EP300: variants seen among roughly 807,000 people sequenced by gnomAD.
EP300 encodes the protein EP300 lysine acetyltransferase.
Under a neutral mutation model 264.0 loss-of-function variants are expected in EP300, and 31 were observed. The ratio of observed to expected loss-of-function variants is 0.12; its 90% CI spans 0.09 to 0.16. The LOEUF is 0.16. Ranked by LOEUF, EP300 falls within the 10% of genes least tolerant of loss-of-function variation. EP300 has a pLI of 1.00. For synonymous variants in EP300, 1,340 were observed against 1,045.4 expected, an observed-to-expected ratio of 1.28 and a Z score of -5.44; for missense variants, 2,766 against 3,052.9, an observed-to-expected ratio of 0.91 and a Z score of 2.21.
chr22:41,125,749 A>G (rs1225908187), intron 2 of EP300, 115 bp from the exon 3 acceptor site: 1 of 1,136,616 alleles, frequency 8.8e-7, no homozygotes, highest in Non-Finnish European at 1.3e-6. Context: ...TTCTAATAGA[A>G]GCTGAGAATT....
At chr22:41,106,648 G>A (rs929931939) in intron 1 of EP300, among the ~76,000 whole-genome samples, 1 of 152,166 alleles carries the variant, frequency 6.6e-6, no homozygotes. Flanking sequence ...GTTTGTTTGA[G>A]ACTGTCGTCC....
chr22:41,153,205 T>G (rs1255588676), intron 16 of EP300, among the ~76,000 whole-genome samples: 1 of 152,162 alleles, frequency 6.6e-6, no homozygotes. Flanking sequence ...ATCCAGCCAT[T>G]CCAACAAGTG....
In EP300 at chr22:41,177,298, C is replaced by T. The variant is rs1297677732; in HGVS notation, c.5587C>T (p.Pro1863Ser). 4.3e-6 allele frequency: 7 copies of T among 1,613,994 alleles called. No individual in the cohort carries two copies. The highest frequency in any genetic ancestry group is 8.5e-7 in the Non-Finnish European group (1 of 1,180,034). ...TCCAACGACACCAACTGGCCAACAG[C>T]CAACCACCCCGCAGACGCCCCAGCC... ...ATPTTPTGQQ[P>S]TTPQTPQPTS... The change falls in exon 31 of 31, where the codon CCA becomes TCA. Residue 1863 changes from proline to serine, a missense_variant. Transcript: ENST00000263253.
intron 2 of EP300, among the ~76,000 whole-genome samples, chr22:41,118,529 G>A (rs765594864): frequency 2.6e-5 from 4 of 152,254 alleles, no homozygotes; most frequent in Non-Finnish European, 4.4e-5. Context: ...TGCCTGGCAT[G>A]TAGTTCGTTT....
Position 41,179,876 on chromosome 22 carries a change from CCACTCACACACACACA to C in EP300, c.*924_*939del, listed in dbSNP as rs1320373706. 31 of 131,494 alleles carry C rather than the reference CCACTCACACACACACA, an allele frequency of 2.4e-4. No homozygotes were observed. The highest frequency in any genetic ancestry group is 7.3e-4 in the Admixed American group (6 of 8,250). 8.1% of individuals were successfully genotyped at this position (131,494 alleles called of 1,614,324 possible). A position where few individuals can be genotyped will look rare whatever the true frequency, so the allele number is the denominator to read the frequency against. ...GCTTTCTTCCTCCTTACCCTACCCCCCACTCACACACACACACACACACACACACACACACACACAC... is the reference window on the plus strand; with the variant it reads ...GCTTTCTTCCTCCTTACCCTACCCCCCACACACACACACACACACACACAC... On this transcript the variant is annotated 3_prime_UTR_variant, in exon 31 of 31. Coordinates refer to ENST00000263253, the MANE Select transcript of EP300 (RefSeq NM_001429.4).
chr22:41,125,474 C>T lies in EP300; in HGVS notation c.730-390C>T, dbSNP rs767511622. Among the ~76,000 whole-genome samples the T allele has an allele frequency of 2.3e-3, 342 of 151,968 alleles. 2 individuals are homozygous for T. The highest frequency in any genetic ancestry group is 3.4e-3 in the Non-Finnish European group (231 of 67,968). On this transcript the variant is annotated intron_variant, in intron 2 of 30. Transcript: ENST00000263253. ...ACCGATGGGTTTTCACCATGTTCCC[C>T]AGGCTGTTGTCAAACTCCTGACCTC...
rs376278138 is a variant in EP300, at chr22:41,146,857, C to T, written c.2131+41C>T. 1.6e-4 allele frequency: 248 copies of T among 1,532,124 alleles called. 1 individual carries two copies. Among genetic ancestry groups the T allele is most frequent in the Middle Eastern group, 9.3e-4 (5 of 5,390 alleles). The allele number at this position is 1,532,124 out of a possible 1,614,324, so 94.9% of individuals were successfully genotyped here. The stretch of plus-strand genomic sequence containing the variant: ...AATTTTTTTATTTTAAAAGAATCCC[C>T]GGTGTACTGCAAGATAATACTTGCT... On this transcript the variant is annotated intron_variant, in intron 11 of 30. Coordinates refer to ENST00000263253, the MANE Select transcript of EP300 (RefSeq NM_001429.4).
intron 18 of EP300, 103 bp downstream of exon 18, chr22:41,157,511 G>GA: frequency 2.2e-6 from 2 of 890,208 alleles, no homozygotes; most frequent in Non-Finnish European, 3.2e-6. Context: ...CTTTGACATG[G>GA]CTTTTTTTTT....
intron 26 of EP300, 34 bp downstream of exon 26, chr22:41,169,650 A>C (rs182990415): frequency 8.0e-7 from 1 of 1,243,512 alleles, no homozygotes; most frequent in East Asian, 2.3e-5. Context: ...TTTTTTCTTT[A>C]ACTAGCATGG....
chr22:41,115,251 T>C (rs1569089318), intron 1 of EP300, among the ~76,000 whole-genome samples: 1 of 152,220 alleles, frequency 6.6e-6, no homozygotes, highest in Non-Finnish European at 1.5e-5. Context: ...GGAGACAGTT[T>C]TGATTGTCAC....
At chr22:41,113,149 A>G (rs995731092) in intron 1 of EP300, among the ~76,000 whole-genome samples, 3 of 112,940 alleles carry the variant, frequency 2.7e-5, no homozygotes, top group Non-Finnish European at 3.5e-5. Flanking sequence ...TGTTTGAATC[A>G]GGATTCCACC....
intron 21 of EP300, among the ~76,000 whole-genome samples, chr22:41,163,242 C>A (rs1054213390): frequency 6.8e-6 from 1 of 147,394 alleles, no homozygotes; most frequent in Non-Finnish European, 1.5e-5. Context: ...GAGACCATCC[C>A]GGCTAAAACG....
chr22:41,167,826 G>T (rs10222217), intron 23 of EP300, among the ~76,000 whole-genome samples: 4,689 of 32,116 alleles, frequency 0.15, 883 homozygotes, highest in Admixed American at 0.19. Flanking sequence ...TTTTTTTTTT[G>T]TTTTTTTTTT....
intron 21 of EP300, 67 bp from the exon 22 acceptor site, chr22:41,163,986 G>A: frequency 1.4e-6 from 2 of 1,428,988 alleles, no homozygotes; most frequent in Non-Finnish European, 2.0e-6. Context: ...GAAGTCATGG[G>A]AAATATTGCA....
intron 2 of EP300, among the ~76,000 whole-genome samples, chr22:41,118,333 A>T (rs895380112): frequency 6.6e-6 from 1 of 152,372 alleles, no homozygotes; most frequent in Non-Finnish European, 1.5e-5. Flanking sequence ...AACTTGGCCA[A>T]AGACTTCTGT....
At chr22:41,160,985 T>C (rs960054632) in intron 20 of EP300, among the ~76,000 whole-genome samples, 3 of 152,222 alleles carry the variant, frequency 2.0e-5, no homozygotes, top group African/African-American at 7.2e-5. Flanking sequence ...GAAAGCTCTT[T>C]GAGACATCAA....
In EP300 at chr22:41,140,269, G is replaced by T. The variant is rs776687289; in HGVS notation, c.1878+12G>T. On this transcript the variant is annotated intron_variant, in intron 9 of 30. Transcript: ENST00000263253. ...CTGCAAACAATCGAGTGAGTGTCTG[G>T]TTTTTTTCTATTAATAGCCAAGATT... 24 of 1,559,432 alleles carry T rather than the reference G, an allele frequency of 1.5e-5. No homozygotes were observed. Among genetic ancestry groups the T allele is most frequent in the Admixed American group, 3.3e-5 (2 of 59,934 alleles).
intron 17 of EP300, among the ~76,000 whole-genome samples, chr22:41,156,138 C>T (rs750767669): frequency 3.9e-5 from 6 of 151,974 alleles, no homozygotes; most frequent in East Asian, 3.9e-4. Flanking sequence ...CTCAGCCTCC[C>T]GAGTAGCTGG....
In EP300 at chr22:41,092,977, CTCGCTTGTA is replaced by C. The variant is rs2058681836; in HGVS notation, c.-25_-17del. On this transcript the variant is annotated 5_prime_UTR_variant, in exon 1 of 31. Transcript: ENST00000263253. ...AGATTTCCTGAGGATTCTGGTTTTC[CTCGCTTGTA>C]TCTCCGAAAGAATTAAAAATGGCCG... 1.7e-5 allele frequency: 28 copies of C among 1,613,394 alleles called. No individual in the cohort carries two copies. The highest frequency in any genetic ancestry group is 2.4e-5 in the Non-Finnish European group (28 of 1,179,390).
Sources: allele counts gnomAD v4.1 joint callset (sites outside exome capture counted in the v4.1 genomes callset), GRCh38; gene constraint gnomAD v4.1.1; transcripts MANE v1.5; gene names NCBI Gene and HGNC (gene_info 2026-07-23, HGNC 2026-07-21).